Variants in GPR39 observed in about 807,000 individuals in gnomAD.
GPR39 encodes the protein zinc sensing receptor.
Under a neutral mutation model 18.4 loss-of-function variants are expected in GPR39, and 23 were observed. The observed-to-expected ratio is 1.25, with a 90% CI of 0.90 to 1.77. The LOEUF (loss-of-function observed/expected upper bound fraction) is 1.77, where lower values mean the gene tolerates loss of function less well. Ranked by LOEUF, GPR39 falls within the 40% of genes most tolerant of loss-of-function variation. GPR39 has a pLI of 0.00. For missense variants in GPR39, 647 were observed against 602.4 expected (o/e 1.07, Z -0.78); for synonymous variants, 280 against 257.9 (o/e 1.09, Z -0.82).
In GPR39 at chr2:132,437,703, C is replaced by G. The variant is rs570522144; in HGVS notation, c.856+19805C>G. Among the ~76,000 whole-genome samples, 94 of 152,294 alleles carry G rather than the reference C, an allele frequency of 6.2e-4. 1 individual carries two copies. Among genetic ancestry groups the G allele is most frequent in the Admixed American group, 6.1e-3 (94 of 15,294 alleles). On this transcript the variant is annotated intron_variant, in intron 1 of 1. Transcript: ENST00000329321. ...TACTGGGCCTCGTAGGTATCCAGCT[C>G]TGACTGGGAGGCTACAGAGAGGCAT...
intron 1 of GPR39, chr2:132,604,778 A>T (rs1379199866): frequency 6.6e-6 from 1 of 152,276 alleles, no homozygotes; most frequent in East Asian, 1.9e-4. Flanking sequence ...GCTAGGTGAG[A>T]AGCAGCAGGA....
chr2:132,542,322 C>G (rs563258308), intron 1 of GPR39, among the ~76,000 whole-genome samples: 1 of 152,188 alleles, frequency 6.6e-6, no homozygotes. Context: ...AAAGGGAAAG[C>G]CTGCCATGTC....
chr2:132,610,579 C>G (rs1352706671), intron 1 of GPR39, among the ~76,000 whole-genome samples: 1 of 151,868 alleles, frequency 6.6e-6, no homozygotes, highest in Non-Finnish European at 1.5e-5. Context: ...GAGTTCAAGA[C>G]CAGTGTGGCC....
chr2:132,584,655 G>A (rs910213140), intron 1 of GPR39, among the ~76,000 whole-genome samples: 5 of 152,048 alleles, frequency 3.3e-5, no homozygotes, highest in Non-Finnish European at 5.9e-5. Flanking sequence ...CATTTCCAAA[G>A]GGAAGATGAA....
chr2:132,625,148 T>C (rs1681518892), intron 1 of GPR39, among the ~76,000 whole-genome samples: 1 of 151,922 alleles, frequency 6.6e-6, no homozygotes, highest in Non-Finnish European at 1.5e-5. Flanking sequence ...CGTGGCTTTT[T>C]CCCCTCTACC....
intron 1 of GPR39, among the ~76,000 whole-genome samples, chr2:132,585,741 G>C (rs572955960): frequency 1.3e-5 from 2 of 152,164 alleles, no homozygotes; most frequent in South Asian, 4.2e-4. Flanking sequence ...GGGCCGGACA[G>C]CCCGGTGTTT....
At chr2:132,469,494 C>A (rs1056680463) in intron 1 of GPR39, among the ~76,000 whole-genome samples, 3 of 152,200 alleles carry the variant, frequency 2.0e-5, no homozygotes, top group African/African-American at 7.2e-5. Context: ...GTAATTGAAT[C>A]GCAAATAACA....
At chr2:132,582,777 T>G (rs554322902) in intron 1 of GPR39, among the ~76,000 whole-genome samples, 21 of 152,284 alleles carry the variant, frequency 1.4e-4, no homozygotes, top group African/African-American at 5.1e-4. Flanking sequence ...CCAACCCCTT[T>G]TTTACCTCAC....
At chr2:132,452,867 C>A (rs970165289) in intron 1 of GPR39, among the ~76,000 whole-genome samples, 1 of 53,644 alleles carries the variant, frequency 1.9e-5, no homozygotes, top group African/African-American at 5.0e-5. Flanking sequence ...TTTTCTTAAT[C>A]CAGTTCTATT....
intron 1 of GPR39, among the ~76,000 whole-genome samples, chr2:132,627,487 A>G (rs993201917): frequency 3.9e-5 from 6 of 152,332 alleles, no homozygotes; most frequent in African/African-American, 4.8e-5. Flanking sequence ...AAATGTCAAT[A>G]TGCCGAGTAA....
chr2:132,602,055 T>C (rs1223307159), intron 1 of GPR39, among the ~76,000 whole-genome samples: 1 of 150,982 alleles, frequency 6.6e-6, no homozygotes, highest in Non-Finnish European at 1.5e-5. Flanking sequence ...CTTAAATTAG[T>C]ATGGAACCAC....
At chr2:132,475,577 C>G (rs1158675016) in intron 1 of GPR39, among the ~76,000 whole-genome samples, 1 of 151,980 alleles carries the variant, frequency 6.6e-6, no homozygotes, top group Non-Finnish European at 1.5e-5. Context: ...TACACGAATA[C>G]CCCCACACCA....
At chr2:132,448,908 C>CT (rs1680585208) in intron 1 of GPR39, among the ~76,000 whole-genome samples, 1 of 152,158 alleles carries the variant, frequency 6.6e-6, no homozygotes, top group South Asian at 2.1e-4. Context: ...TTTTTGGTAC[C>CT]TTTCTGAGTA....
intron 1 of GPR39, among the ~76,000 whole-genome samples, chr2:132,492,822 A>G (rs1200118353): frequency 7.0e-6 from 1 of 142,734 alleles, no homozygotes; most frequent in Non-Finnish European, 1.5e-5. Flanking sequence ...CATACCATAT[A>G]TATACCATAT....
chr2:132,635,821 T>C (rs1334673533), intron 1 of GPR39, among the ~76,000 whole-genome samples: 4 of 152,108 alleles, frequency 2.6e-5, no homozygotes, highest in African/African-American at 9.7e-5. Flanking sequence ...GGACTCTGAA[T>C]AGGACGAGTG....
chr2:132,630,616 G>T (rs758703610), intron 1 of GPR39, among the ~76,000 whole-genome samples: 1 of 152,196 alleles, frequency 6.6e-6, no homozygotes, highest in African/African-American at 2.4e-5. Flanking sequence ...ATCCTGGCTT[G>T]TATGGAGAAT....
At chr2:132,623,751 A>G (rs186217488) in intron 1 of GPR39, among the ~76,000 whole-genome samples, 42 of 152,288 alleles carry the variant, frequency 2.8e-4, no homozygotes, top group African/African-American at 9.9e-4. Context: ...TGATTAAAGC[A>G]AAAATCCTGG....
intron 1 of GPR39, among the ~76,000 whole-genome samples, chr2:132,567,769 G>A (rs1019343591): frequency 6.6e-6 from 1 of 152,106 alleles, no homozygotes; most frequent in Non-Finnish European, 1.5e-5. Flanking sequence ...CACCTGAAAA[G>A]TTCTTTAAAA....
chr2:132,464,844 A>G (rs1217478005), intron 1 of GPR39, among the ~76,000 whole-genome samples: 5 of 152,166 alleles, frequency 3.3e-5, no homozygotes, highest in Non-Finnish European at 5.9e-5. Context: ...ACTCTAGCAT[A>G]TTAGTCTTGT....
Sources: allele counts gnomAD v4.1 joint callset (sites outside exome capture counted in the v4.1 genomes callset), GRCh38; gene constraint gnomAD v4.1.1; transcripts MANE v1.5; gene names NCBI Gene and HGNC (gene_info 2026-07-23, HGNC 2026-07-21).